The following ADARB2 variants were observed in gnomAD, a reference collection of about 807,000 sequenced individuals.
ADARB2 encodes inactive double-stranded RNA-specific editase B2.
A neutral mutation model predicts 62.2 loss-of-function variants in ADARB2; 25 were observed. That is an observed-to-expected ratio of 0.40 (90% CI 0.29 to 0.56). ADARB2 has a LOEUF of 0.56. Among genes scored for constraint, ADARB2 ranks in the 20% least tolerant of loss-of-function variants. ADARB2 has a pLI of 0.43. For missense variants in ADARB2, 1,071 were observed against 1,077.4 expected, an observed-to-expected ratio of 0.99 and a Z score of 0.08; for synonymous variants, 572 against 500.8, an observed-to-expected ratio of 1.14 and a Z score of -1.90.
chr10:1,370,342 C>T (rs1832357669), intron 2 of ADARB2, among the ~76,000 whole-genome samples: 1 of 152,204 alleles, frequency 6.6e-6, no homozygotes, highest in African/African-American at 2.4e-5. Flanking sequence ...CCACAGCCAA[C>T]GTCACACTTA....
intron 8 of ADARB2, among the ~76,000 whole-genome samples, chr10:1,197,663 C>T (rs543144301): frequency 6.0e-4 from 91 of 152,300 alleles, no homozygotes; most frequent in African/African-American, 2.0e-3. Context: ...ATTTCATGTT[C>T]GTTGCCAAGA....
At chr10:1,710,826 T>C (rs1414786884) in intron 1 of ADARB2, among the ~76,000 whole-genome samples, 2 of 152,024 alleles carry the variant, frequency 1.3e-5, no homozygotes, top group Admixed American at 6.5e-5. Context: ...TCACCTTCAC[T>C]CCTTGTCTCA....
rs373108960 is a variant in ADARB2, at chr10:1,562,007, G to A, written c.100+175044C>T. Among the ~76,000 whole-genome samples, 5 of 152,188 alleles carry A rather than the reference G, an allele frequency of 3.3e-5. No individual in the cohort carries two copies. The East Asian group carries it at 9.6e-4, about 29-fold the overall frequency. On this transcript the variant is annotated intron_variant, in intron 1 of 9. Coordinates refer to ENST00000381312, the MANE Select transcript of ADARB2 (RefSeq NM_018702.4). ...GCAGTCACCTCTGGGTGCAGCCCCA[G>A]CTTCCGAGCTCATCGCCTCCCAGGA...
chr10:1,477,862 C>T lies in ADARB2; in HGVS notation c.101-98702G>A, dbSNP rs568279398. Among the ~76,000 whole-genome samples, 9 of 152,328 alleles carry T rather than the reference C, an allele frequency of 5.9e-5. No individual in the cohort carries two copies. Among genetic ancestry groups the T allele is most frequent in the South Asian group, 2.1e-4 (1 of 4,832 alleles). ...GTGGCGGGCAGGTGCCTCCCCAGAA[C>T]GCTTCTCACAGGTGCACTGGGAGGT... On this transcript the variant is annotated intron_variant, in intron 1 of 9. Transcript: ENST00000381312. This position sits in a 1 kb window ranked among gnomAD's most constrained non-coding sequence, Gnocchi z 4.5.
intron 1 of ADARB2, among the ~76,000 whole-genome samples, chr10:1,481,635 G>C (rs546760306): frequency 1.0e-3 from 20 of 19,784 alleles, no homozygotes; most frequent in South Asian, 0.077. Context: ...GAAGTGTGCG[G>C]ATCACGAGGT....
chr10:1,573,760 A>G (rs530697775), intron 1 of ADARB2, among the ~76,000 whole-genome samples: 2 of 152,292 alleles, frequency 1.3e-5, no homozygotes, highest in Admixed American at 6.5e-5. Context: ...CCCTCAAGGC[A>G]AGATGATGGG....
intron 4 of ADARB2, among the ~76,000 whole-genome samples, chr10:1,246,474 T>C (rs1381770179): frequency 4.5e-5 from 5 of 111,152 alleles, no homozygotes; most frequent in Non-Finnish European, 7.5e-5. Context: ...GTTTTAGGTC[T>C]AACGTTTAAG....
At chr10:1,492,820 G>A (rs994318900) in intron 1 of ADARB2, among the ~76,000 whole-genome samples, 4 of 151,886 alleles carry the variant, frequency 2.6e-5, no homozygotes, top group Non-Finnish European at 5.9e-5. Flanking sequence ...AGGAGGGAGA[G>A]CAGGGCTTTG....
intron 3 of ADARB2, among the ~76,000 whole-genome samples, 190 bp downstream of exon 3, chr10:1,362,838 T>C (rs1473282285): frequency 1.3e-5 from 2 of 151,832 alleles, no homozygotes; most frequent in Non-Finnish European, 2.9e-5. Context: ...ATTGTCACCC[T>C]CAAAACCGCC....
At chr10:1,186,062 G>A (rs981737357) in intron 8 of ADARB2, among the ~76,000 whole-genome samples, 6 of 152,202 alleles carry the variant, frequency 3.9e-5, no homozygotes, top group African/African-American at 1.4e-4. Flanking sequence ...GACGGCCTGA[G>A]GATTCCAAAA....
rs1403280096 is a variant in ADARB2, at chr10:1,396,408, A to G, written c.101-17248T>C. Reference sequence around the variant, plus strand: ...TGGGCTATTTGAACAAAGGATAGAAAAGCCTGTCATTCATTACTTCCATCA... The same window carrying G: ...TGGGCTATTTGAACAAAGGATAGAAGAGCCTGTCATTCATTACTTCCATCA... On this transcript the variant is annotated intron_variant, in intron 1 of 9. Coordinates refer to ENST00000381312, the MANE Select transcript of ADARB2 (RefSeq NM_018702.4). Among the ~76,000 whole-genome samples, 2 of 152,122 alleles carry G rather than the reference A, an allele frequency of 1.3e-5. 1 individual carries two copies. The highest frequency in any genetic ancestry group is 2.9e-5 in the Non-Finnish European group (2 of 68,028).
At chr10:1,530,632 G>T (rs542269556) in intron 1 of ADARB2, among the ~76,000 whole-genome samples, 1 of 152,052 alleles carries the variant, frequency 6.6e-6, no homozygotes, top group African/African-American at 2.4e-5. Context: ...CACACCGACC[G>T]CTTGTCGGTT....
intron 3 of ADARB2, among the ~76,000 whole-genome samples, chr10:1,301,662 T>C (rs1362068802): frequency 6.6e-6 from 1 of 152,182 alleles, no homozygotes; most frequent in African/African-American, 2.4e-5. Context: ...GGATTTAGAG[T>C]AAAGACCAGG....
At chr10:1,516,891 A>G (rs1218761971) in intron 1 of ADARB2, among the ~76,000 whole-genome samples, 3 of 152,198 alleles carry the variant, frequency 2.0e-5, no homozygotes, top group Non-Finnish European at 4.4e-5. Flanking sequence ...TATTCTAGAC[A>G]CGTGTGTTTG....
rs367871557 is a variant in ADARB2 at position 1,574,152 on chromosome 10, G to A, written c.100+162899C>T. On this transcript the variant is annotated intron_variant, in intron 1 of 9. Coordinates refer to ENST00000381312, the MANE Select transcript of ADARB2 (RefSeq NM_018702.4). ...TTCCCTCCCGCCTCCCAGCTGAGCC[G>A]TCTGCTGAGCGAGGAGGAGCCACAA... is the stretch of plus-strand genomic sequence containing the variant. Among the ~76,000 whole-genome samples, 96 of 152,290 alleles carry A rather than the reference G, an allele frequency of 6.3e-4. 1 individual carries two copies. The highest frequency in any genetic ancestry group is 3.4e-3 in the Middle Eastern group (1 of 292).
chr10:1,564,398 G>A (rs1310207044), intron 1 of ADARB2, among the ~76,000 whole-genome samples: 39 of 152,122 alleles, frequency 2.6e-4, no homozygotes, highest in Admixed American at 6.5e-4. Flanking sequence ...ACAAAAGCCA[G>A]AATTGACAAA....
intron 1 of ADARB2, among the ~76,000 whole-genome samples, chr10:1,636,489 C>T (rs575263756): frequency 1.3e-5 from 2 of 152,182 alleles, no homozygotes; most frequent in East Asian, 3.9e-4. Flanking sequence ...TGCACTCTAG[C>T]CTGGGGGACA....
chr10:1,434,201 T>A (rs545825303), intron 1 of ADARB2, among the ~76,000 whole-genome samples: 6 of 152,294 alleles, frequency 3.9e-5, no homozygotes, highest in African/African-American at 1.4e-4. Context: ...AGAAGGCTGA[T>A]AACGAGAGAT....
At chr10:1,432,996 T>TA (rs1439394448) in intron 1 of ADARB2, among the ~76,000 whole-genome samples, 1 of 152,100 alleles carries the variant, frequency 6.6e-6, no homozygotes, top group Non-Finnish European at 1.5e-5. Flanking sequence ...ACCTGGCTGA[T>TA]ATACATCCTT....
Sources: gnomAD v4.1 joint callset for allele counts (sites outside exome capture counted in the v4.1 genomes callset) on GRCh38, gnomAD v4.1.1 for gene constraint, Gnocchi (gnomAD v3.1) non-coding constraint, MANE v1.5 for transcripts, NCBI Gene and HGNC (gene_info 2026-07-23, HGNC 2026-07-21) for gene names.